Variants in DLG2 observed in about 807,000 individuals in gnomAD.
The protein encoded by DLG2 is disks large homolog 2.
DLG2 carries 45 observed loss-of-function variants against 132.5 expected under a neutral mutation model. The observed-to-expected ratio is 0.34, with a 90% CI of 0.27 to 0.44. DLG2 has a LOEUF of 0.44. DLG2 is among the 20% of genes least tolerant of loss of function. The pLI is 1.00. For missense variants in DLG2, 1,045 were observed against 1,196.9 expected (o/e 0.87, Z 1.87); for synonymous variants, 424 against 419.6 (o/e 1.01, Z -0.13).
intron 4 of DLG2, among the ~76,000 whole-genome samples, chr11:85,179,671 G>C (rs78007242): frequency 1.3e-5 from 2 of 151,756 alleles, no homozygotes; most frequent in Non-Finnish European, 2.9e-5. Context: ...GTGGGTGAAG[G>C]AGAAAGGAAA....
At chr11:84,845,165 A>G (rs1351947650) in intron 6 of DLG2, among the ~76,000 whole-genome samples, 1 of 152,158 alleles carries the variant, frequency 6.6e-6, no homozygotes, top group African/African-American at 2.4e-5. Context: ...TTGGTTTAGT[A>G]AAAAGAACAG....
At chr11:83,646,824 A>T (rs2068337666) in intron 18 of DLG2, 1 of 152,040 alleles carries the variant, frequency 6.6e-6, no homozygotes, top group Non-Finnish European at 1.5e-5. Flanking sequence ...GTGATCTAAT[A>T]CATTTAAATG....
chr11:83,895,598 T>A (rs1014865721), intron 15 of DLG2, among the ~76,000 whole-genome samples: 27 of 152,142 alleles, frequency 1.8e-4, no homozygotes, highest in African/African-American at 6.5e-4. Flanking sequence ...AACATGATAC[T>A]TGACAACTAG....
At chr11:84,685,606 T>G (rs559869532) in intron 6 of DLG2, among the ~76,000 whole-genome samples, 3 of 152,348 alleles carry the variant, frequency 2.0e-5, no homozygotes, top group African/African-American at 7.2e-5. Flanking sequence ...GCCAGAGGAC[T>G]ATTCCAAATA....
intron 7 of DLG2, among the ~76,000 whole-genome samples, chr11:84,362,485 A>C (rs182146604): frequency 2.4e-4 from 37 of 151,570 alleles, no homozygotes; most frequent in African/African-American, 8.5e-4. Flanking sequence ...CAGAATTCAA[A>C]TAATCCTCTT....
At chr11:85,242,217 A>G (rs147687599) in intron 4 of DLG2, among the ~76,000 whole-genome samples, 23 of 152,050 alleles carry the variant, frequency 1.5e-4, no homozygotes, top group African/African-American at 4.8e-4. Context: ...GTGTTAAACC[A>G]TCGTCTTCTT....
rs190044550 is a variant in DLG2 at position 84,840,055 on chromosome 11, C to G, written c.357+271606G>C. Among the ~76,000 whole-genome samples, 363 of 152,146 alleles carry G rather than the reference C, an allele frequency of 2.4e-3. 1 individual carries two copies. Among genetic ancestry groups the G allele is most frequent in the Non-Finnish European group, 4.1e-3 (280 of 67,982 alleles). ...AACTACCATCGAGTGAACAGGCAAC[C>G]TACAGAATGGGAGAAAATTTTTGCA... On this transcript the variant is annotated intron_variant, in intron 6 of 27. Transcript: ENST00000376104.
At chr11:85,190,785 A>G (rs1400148294) in intron 4 of DLG2, among the ~76,000 whole-genome samples, 1 of 152,218 alleles carries the variant, frequency 6.6e-6, no homozygotes, top group East Asian at 1.9e-4. Flanking sequence ...TCATTACAGA[A>G]ATTCAAATCA....
chr11:84,785,162 A>G lies in DLG2; in HGVS notation c.358-250431T>C, dbSNP rs368444665. Among the ~76,000 whole-genome samples the G allele has an allele frequency of 2.6e-5, 4 of 152,046 alleles. No homozygotes were observed. In the East Asian group the frequency reaches 5.8e-4, roughly 22 times the overall value. On this transcript the variant is annotated intron_variant, in intron 6 of 27. Transcript: ENST00000376104. ...CAAAACAAGGCTATATATGGTTTGCATGTCTCTTACGTTTCTTTTAATCTA... is the reference window on the plus strand; with the variant it reads ...CAAAACAAGGCTATATATGGTTTGCGTGTCTCTTACGTTTCTTTTAATCTA...
intron 18 of DLG2, among the ~76,000 whole-genome samples, chr11:83,702,198 C>A (rs1178244088): frequency 1.3e-5 from 2 of 152,040 alleles, no homozygotes; most frequent in Non-Finnish European, 2.9e-5. Flanking sequence ...ACAGGTAGTT[C>A]ACTTCTGTAC....
intron 3 of DLG2, among the ~76,000 whole-genome samples, chr11:85,517,662 T>A (rs1332024531): frequency 1.3e-5 from 2 of 151,992 alleles, no homozygotes; most frequent in African/African-American, 4.8e-5. Context: ...CAGGCTGAAG[T>A]GCAATGGCAC....
At chr11:85,605,501 A>C (rs1432203882) in intron 2 of DLG2, among the ~76,000 whole-genome samples, 1 of 152,234 alleles carries the variant, frequency 6.6e-6, no homozygotes, top group Non-Finnish European at 1.5e-5. Context: ...AGTCTGGTAG[A>C]TAGAGAAAAA....
chr11:84,054,662 A>T (rs759435997), intron 11 of DLG2, among the ~76,000 whole-genome samples: 2 of 152,122 alleles, frequency 1.3e-5, no homozygotes, highest in African/African-American at 4.8e-5. Flanking sequence ...TAGCTCTGCT[A>T]TAAAGACAAA....
chr11:85,230,998 C>A (rs1423351806), intron 4 of DLG2, among the ~76,000 whole-genome samples: 4 of 151,918 alleles, frequency 2.6e-5, no homozygotes, highest in Non-Finnish European at 5.9e-5. Context: ...GACTTCCTAG[C>A]TACCAAAACT....
intron 9 of DLG2, among the ~76,000 whole-genome samples, chr11:84,104,722 A>C (rs2092783282): frequency 6.6e-6 from 1 of 152,106 alleles, no homozygotes; most frequent in Admixed American, 6.6e-5. Context: ...AAAATTACTA[A>C]CTTTAATTAA....
At position 83,665,812 on chromosome 11, in the gene DLG2, G is replaced by A. The variant is rs149463636; in HGVS notation, c.1826-32487C>T. The stretch of plus-strand genomic sequence containing the variant: ...CTTGAGATTTTTTTTTTTAGAGAAC[G>A]GGGAATGCGTTACAATAGGAGCATG... On this transcript the variant is annotated intron_variant, in intron 18 of 27. Coordinates refer to ENST00000376104, the MANE Select transcript of DLG2 (RefSeq NM_001142699.3). Among the ~76,000 whole-genome samples, 132 of 152,058 alleles carry A rather than the reference G, an allele frequency of 8.7e-4. 3 individuals carry two copies. The East Asian group carries it at 0.015, about 17-fold the overall frequency.
At chr11:84,859,347 A>G (rs1599991676) in intron 6 of DLG2, among the ~76,000 whole-genome samples, 2 of 146,540 alleles carry the variant, frequency 1.4e-5, no homozygotes, top group East Asian at 4.0e-4. Context: ...ATATATGTAG[A>G]TTTTATAAAC....
At chr11:84,498,192 T>G (rs182589025) in intron 7 of DLG2, among the ~76,000 whole-genome samples, 42 of 152,340 alleles carry the variant, frequency 2.8e-4, no homozygotes, top group African/African-American at 1.0e-3. Flanking sequence ...TTTGGCATGA[T>G]AGTCAACATT....
chr11:83,740,554 C>G (rs903553072), intron 18 of DLG2, among the ~76,000 whole-genome samples: 1 of 152,160 alleles, frequency 6.6e-6, no homozygotes, highest in Non-Finnish European at 1.5e-5. Flanking sequence ...CTCTCCTCAT[C>G]TGAGTGGTGA....
Sources: allele counts gnomAD v4.1 joint callset (sites outside exome capture counted in the v4.1 genomes callset), GRCh38; gene constraint gnomAD v4.1.1; transcripts MANE v1.5; gene names NCBI Gene and HGNC (gene_info 2026-07-23, HGNC 2026-07-21).